Variants in LCLAT1 observed in about 807,000 individuals in gnomAD.
The protein encoded by LCLAT1 is lysocardiolipin acyltransferase 1.
Under a neutral mutation model 30.7 loss-of-function variants are expected in LCLAT1, and 11 were observed. The observed-to-expected ratio is 0.36, with a 90% CI of 0.23 to 0.59. LCLAT1 has a LOEUF of 0.59. Among genes scored for constraint, LCLAT1 ranks in the 20% least tolerant of loss-of-function variants. The pLI is 0.77. For missense variants in LCLAT1, 402 were observed against 458.6 expected, an observed-to-expected ratio of 0.88 and a Z score of 1.13; for synonymous variants, 155 against 151.3, an observed-to-expected ratio of 1.02 and a Z score of -0.18.
chr2:30,539,940 A>C (rs996927233), intron 3 of LCLAT1, among the ~76,000 whole-genome samples: 1 of 152,238 alleles, frequency 6.6e-6, no homozygotes, highest in African/African-American at 2.4e-5. Context: ...ATAAATTATG[A>C]AACCTGGTCT....
chr2:30,495,064 T>C (rs1684039602), intron 1 of LCLAT1, among the ~76,000 whole-genome samples: 1 of 148,388 alleles, frequency 6.7e-6, no homozygotes. Flanking sequence ...TATTATAAGA[T>C]TGATTTTGCT....
chr2:30,563,719 T>G (rs1185504174), intron 4 of LCLAT1, among the ~76,000 whole-genome samples: 1 of 152,182 alleles, frequency 6.6e-6, no homozygotes. Context: ...AACATACTAT[T>G]CATACTGTGC....
At chr2:30,568,986 A>T (rs1665649763) in intron 5 of LCLAT1, among the ~76,000 whole-genome samples, 1 of 152,096 alleles carries the variant, frequency 6.6e-6, no homozygotes, top group African/African-American at 2.4e-5. Context: ...AAATATAACG[A>T]TCTGAAAAAT....
intron 1 of LCLAT1, among the ~76,000 whole-genome samples, chr2:30,489,954 A>G (rs1683759806): frequency 6.6e-6 from 1 of 152,206 alleles, no homozygotes; most frequent in Admixed American, 6.5e-5. Context: ...TCCTTTTAAT[A>G]ACTAATAATC....
intron 1 of LCLAT1, chr2:30,459,664 A>C (rs757030373): frequency 1.2e-6 from 2 of 1,614,164 alleles, no homozygotes; most frequent in Admixed American, 1.7e-5. Context: ...ATGGTCAATT[A>C]ACGAGGCAGT....
intron 2 of LCLAT1, among the ~76,000 whole-genome samples, chr2:30,529,056 A>G (rs1468650649): frequency 6.6e-6 from 1 of 152,182 alleles, no homozygotes; most frequent in Non-Finnish European, 1.5e-5. Context: ...TTCAGAGTGA[A>G]TTTAATCTAA....
intron 1 of LCLAT1, among the ~76,000 whole-genome samples, chr2:30,497,767 G>A (rs1684188611): frequency 1.3e-5 from 2 of 152,072 alleles, no homozygotes; most frequent in South Asian, 4.1e-4. Context: ...TGCATTGTCA[G>A]CCATACTCTT....
intron 3 of LCLAT1, among the ~76,000 whole-genome samples, chr2:30,549,644 C>T (rs72858915): frequency 0.039 from 5,949 of 152,236 alleles, 402 homozygotes; most frequent in African/African-American, 0.14. Flanking sequence ...CTCTGTATCT[C>T]ATAGTTGGTA....
intron 5 of LCLAT1, among the ~76,000 whole-genome samples, chr2:30,613,326 A>G (rs180773007): frequency 2.0e-4 from 30 of 152,312 alleles, no homozygotes; most frequent in African/African-American, 6.7e-4. Context: ...AATGTTAAGA[A>G]AAATCTGTAG....
intron 1 of LCLAT1, among the ~76,000 whole-genome samples, chr2:30,494,761 C>A (rs1039491378): frequency 6.6e-6 from 1 of 151,542 alleles, no homozygotes; most frequent in Admixed American, 6.6e-5. Flanking sequence ...TATGCTGTCC[C>A]CTGCTCATGG....
intron 5 of LCLAT1, among the ~76,000 whole-genome samples, chr2:30,581,028 G>T (rs1165614381): frequency 6.6e-6 from 1 of 152,116 alleles, no homozygotes; most frequent in Non-Finnish European, 1.5e-5. Context: ...TCAGAGGTTA[G>T]GTAATCTGAT....
At chr2:30,481,467 G>A (rs1335829555) in intron 1 of LCLAT1, among the ~76,000 whole-genome samples, 1 of 152,010 alleles carries the variant, frequency 6.6e-6, no homozygotes, top group African/African-American at 2.4e-5. Context: ...GGTAGAGGAG[G>A]GGGAGCCAAC....
chr2:30,489,713 T>G (rs1292975568), intron 1 of LCLAT1, among the ~76,000 whole-genome samples: 1 of 151,914 alleles, frequency 6.6e-6, no homozygotes, highest in Non-Finnish European at 1.5e-5. Flanking sequence ...TCCCATCTGG[T>G]CAAAGAAGAA....
intron 1 of LCLAT1, among the ~76,000 whole-genome samples, chr2:30,470,915 CTTTTTTTT>C (rs35399245): frequency 1.5e-5 from 2 of 135,766 alleles, no homozygotes; most frequent in Non-Finnish European, 3.2e-5. Flanking sequence ...TTTATTCATT[CTTTTTTTT>C]TTTTTTTTGA....
intron 1 of LCLAT1, among the ~76,000 whole-genome samples, chr2:30,519,527 C>G (rs374466279): frequency 6.6e-6 from 1 of 152,126 alleles, no homozygotes; most frequent in Non-Finnish European, 1.5e-5. Flanking sequence ...GCTGGATTTC[C>G]TAGGCCGACT....
intron 5 of LCLAT1, among the ~76,000 whole-genome samples, chr2:30,635,744 A>G (rs191723875): frequency 2.0e-5 from 3 of 152,318 alleles, no homozygotes; most frequent in East Asian, 3.9e-4. Context: ...AACATCCAAA[A>G]CTTACTATGT....
At chr2:30,568,821 A>C (rs1176568322) in intron 5 of LCLAT1, among the ~76,000 whole-genome samples, 1 of 133,832 alleles carries the variant, frequency 7.5e-6, no homozygotes, top group African/African-American at 2.7e-5. Flanking sequence ...ATGTCTTAAG[A>C]GTATCTTGTC....
chr2:30,532,782 G>A (rs1686046237), intron 2 of LCLAT1, among the ~76,000 whole-genome samples: 1 of 151,682 alleles, frequency 6.6e-6, no homozygotes, highest in African/African-American at 2.4e-5. Flanking sequence ...AGAAAAAAAG[G>A]TAATAATGTT....
At chr2:30,532,777 A>T (rs1351920783) in intron 2 of LCLAT1, among the ~76,000 whole-genome samples, 1 of 152,158 alleles carries the variant, frequency 6.6e-6, no homozygotes, top group African/African-American at 2.4e-5. Flanking sequence ...TTTCTAGAAA[A>T]AAAGGTAATA....
Sources: gnomAD v4.1 joint callset for allele counts (sites outside exome capture counted in the v4.1 genomes callset) on GRCh38, gnomAD v4.1.1 for gene constraint, MANE v1.5 for transcripts, NCBI Gene and HGNC (gene_info 2026-07-23, HGNC 2026-07-21) for gene names.